DCDC2: variants seen among roughly 807,000 people sequenced by gnomAD.
DCDC2 encodes doublecortin domain-containing protein 2.
Under a neutral mutation model 50.2 loss-of-function variants are expected in DCDC2, and 40 were observed. The ratio of observed to expected loss-of-function variants is 0.80; its 90% CI spans 0.62 to 1.04. The LOEUF (loss-of-function observed/expected upper bound fraction) is 1.04. Ranked by LOEUF, DCDC2 falls within the 50% of genes least tolerant of loss-of-function variation. The pLI, the probability that DCDC2 is intolerant of heterozygous loss-of-function variation, is 0.00. For synonymous variants in DCDC2, 234 were observed against 210.6 expected (o/e 1.11, Z -0.96); for missense variants, 570 against 581.9 (o/e 0.98, Z 0.21).
At chr6:24,285,693 A>C (rs920112914) in intron 6 of DCDC2, among the ~76,000 whole-genome samples, 1 of 152,172 alleles carries the variant, frequency 6.6e-6, no homozygotes, top group African/African-American at 2.4e-5. Context: ...GTACCTACAC[A>C]TGCATTTTAA....
intron 6 of DCDC2, among the ~76,000 whole-genome samples, chr6:24,288,487 T>C (rs1012846761): frequency 6.6e-6 from 1 of 152,228 alleles, no homozygotes; most frequent in Non-Finnish European, 1.5e-5. Context: ...TTATACCCCT[T>C]TTCTCAGCGA....
At chr6:24,303,156 G>A (rs1402783723) in intron 2 of DCDC2, among the ~76,000 whole-genome samples, 1 of 151,740 alleles carries the variant, frequency 6.6e-6, no homozygotes, top group East Asian at 1.9e-4. Flanking sequence ...CCTTATGGCC[G>A]CTCTCAAGTA....
At chr6:24,247,101 T>C (rs921121301) in intron 7 of DCDC2, among the ~76,000 whole-genome samples, 2 of 152,030 alleles carry the variant, frequency 1.3e-5, no homozygotes, top group African/African-American at 4.8e-5. Flanking sequence ...TTTTGAGGAA[T>C]CCCCAAAGAC....
At position 24,357,689 on chromosome 6, in the gene DCDC2, A is replaced by T; in HGVS notation, c.62T>A (p.Val21Glu). The stretch of plus-strand genomic sequence containing the variant: ...GTAGAAGGGGTCCCCGTTGCGGTAC[A>T]CAAGCACGCTCTTCACGACGGGCTG... ...LSQPVVKSVL[V>E]YRNGDPFYAG... The change falls in exon 1 of 10, where the codon GTG (valine) becomes GAG (glutamate). Residue 21 changes from valine (V) to glutamate (E), a missense_variant. Coordinates refer to ENST00000378454, the MANE Select transcript of DCDC2 (RefSeq NM_016356.5). 6.2e-7 allele frequency: 1 copy of T among 1,613,382 alleles called. No homozygotes were observed. Among genetic ancestry groups the T allele is most frequent in the Non-Finnish European group, 8.5e-7 (1 of 1,180,002 alleles).
chr6:24,352,260 GGA>G (rs1483442114), intron 2 of DCDC2, among the ~76,000 whole-genome samples: 2 of 152,088 alleles, frequency 1.3e-5, no homozygotes, highest in Non-Finnish European at 2.9e-5. Flanking sequence ...ATTCTATTGC[GGA>G]AGTCCAGGTT....
chr6:24,210,019 G>GGTGT (rs71002475), intron 7 of DCDC2, among the ~76,000 whole-genome samples: 1,617 of 145,236 alleles, frequency 0.011, 9 homozygotes, highest in East Asian at 0.024. Context: ...GCAGTATCAG[G>GGTGT]GTGTGTGTGT....
chr6:24,370,233 A>T, the DCDC2 span, among the ~76,000 whole-genome samples: 1 of 152,178 alleles, frequency 6.6e-6, no homozygotes, highest in African/African-American at 2.4e-5. Context: ...ATAATAGTTT[A>T]AAAGAAAAAA....
chr6:24,197,328 A>C (rs1172254099), intron 8 of DCDC2, among the ~76,000 whole-genome samples: 1 of 152,234 alleles, frequency 6.6e-6, no homozygotes, highest in Non-Finnish European at 1.5e-5. Flanking sequence ...CAGATTTGCA[A>C]GTTGTTAAAT....
At chr6:24,280,426 T>G (rs905405793) in intron 6 of DCDC2, among the ~76,000 whole-genome samples, 2 of 151,610 alleles carry the variant, frequency 1.3e-5, no homozygotes, top group Admixed American at 6.6e-5. Context: ...AGCTCTGCCA[T>G]AAACTGTCTG....
intron 2 of DCDC2, among the ~76,000 whole-genome samples, chr6:24,334,575 A>G (rs997848150): frequency 4.6e-5 from 7 of 152,198 alleles, no homozygotes; most frequent in Non-Finnish European, 8.8e-5. Context: ...GCAAAGCCTA[A>G]GTTATTTACT....
chr6:24,340,157 C>T (rs1356920649), intron 2 of DCDC2, among the ~76,000 whole-genome samples: 9 of 152,114 alleles, frequency 5.9e-5, no homozygotes, highest in Admixed American at 2.0e-4. Context: ...CACATGCCAT[C>T]TCCTTTGCCT....
At chr6:24,240,064 A>C (rs575474547) in intron 7 of DCDC2, among the ~76,000 whole-genome samples, 1 of 152,328 alleles carries the variant, frequency 6.6e-6, no homozygotes, top group African/African-American at 2.4e-5. Flanking sequence ...CAGGCAATGT[A>C]ATATAGTTAA....
At chr6:24,359,180 T>TTATATATTATATATTA (rs1760585386), upstream of DCDC2, among the ~76,000 whole-genome samples, 1 of 50,326 alleles carries the variant, frequency 2.0e-5, no homozygotes, top group South Asian at 6.0e-4. Flanking sequence ...TATATATATT[T>TTATATATTATATATTA]TATATATTTT....
chr6:24,339,291 G>C (rs1760112573), intron 2 of DCDC2, among the ~76,000 whole-genome samples: 1 of 152,034 alleles, frequency 6.6e-6, no homozygotes, highest in Non-Finnish European at 1.5e-5. Context: ...CCAGCAGCCT[G>C]TGCCGCCTGT....
chr6:24,342,478 G>T (rs956257047), intron 2 of DCDC2, among the ~76,000 whole-genome samples: 1 of 152,222 alleles, frequency 6.6e-6, no homozygotes, highest in Non-Finnish European at 1.5e-5. Context: ...GAGTGTGGCA[G>T]CTGGGCAGCG....
intron 7 of DCDC2, among the ~76,000 whole-genome samples, chr6:24,236,120 A>G (rs1293682093): frequency 1.3e-5 from 2 of 152,192 alleles, no homozygotes; most frequent in Non-Finnish European, 2.9e-5. Flanking sequence ...CCAAAATGGA[A>G]CCCAAATAGC....
At chr6:24,359,216 A>ATATATAATATATATTT (rs1561789250), upstream of DCDC2, among the ~76,000 whole-genome samples, 78 of 67,616 alleles carry the variant, frequency 1.2e-3, 1 homozygote, top group Non-Finnish European at 1.4e-3. Flanking sequence ...TTTATATATT[A>ATATATAATATATATTT]TATATTTTAT....
intron 4 of DCDC2, among the ~76,000 whole-genome samples, chr6:24,294,834 C>G (rs963699580): frequency 6.6e-6 from 1 of 152,024 alleles, no homozygotes; most frequent in African/African-American, 2.4e-5. Flanking sequence ...AATGAATAGC[C>G]TACCGATCAA....
At chr6:24,316,983 A>C (rs574385358) in intron 2 of DCDC2, among the ~76,000 whole-genome samples, 1 of 148,770 alleles carries the variant, frequency 6.7e-6, no homozygotes, top group East Asian at 2.1e-4. Flanking sequence ...GTGTATATAC[A>C]TATATATGTA....
Sources: allele counts gnomAD v4.1 joint callset (sites outside exome capture counted in the v4.1 genomes callset), GRCh38; gene constraint gnomAD v4.1.1; transcripts MANE v1.5; gene names NCBI Gene and HGNC (gene_info 2026-07-23, HGNC 2026-07-21).